Variants in DNAJC10 observed in about 807,000 individuals in gnomAD.
The protein encoded by DNAJC10 is endoplasmic reticulum disulfide reductase DNAJC10.
In DNAJC10, 101 loss-of-function variants were observed where a neutral mutation model predicts 115.0. That is an observed-to-expected ratio of 0.88 (90% confidence interval 0.75 to 1.04). The LOEUF (loss-of-function observed/expected upper bound fraction) is 1.04, where lower values mean the gene tolerates loss of function less well. Among genes scored for constraint, DNAJC10 ranks in the 50% least tolerant of loss-of-function variants. The pLI is 0.00. For missense variants in DNAJC10, 981 were observed against 928.8 expected (o/e 1.06, Z -0.73); for synonymous variants, 307 against 301.5 (o/e 1.02, Z -0.19).
intron 13 of DNAJC10, 99 bp from the exon 14 acceptor site, chr2:182,743,497 CTG>C (rs1203930881): frequency 3.5e-5 from 27 of 766,522 alleles, no homozygotes; most frequent in Non-Finnish European, 5.6e-5. Flanking sequence ...TGTTTAAAAA[CTG>C]TGTCATTAGG....
chr2:182,720,072 A>G lies in DNAJC10; in HGVS notation c.270A>G (p.Glu90=). Residue 90 remains glutamate, a synonymous_variant, in exon 4 of 24, where the codon GAA becomes GAG. Transcript: ENST00000264065. The part of the protein sequence containing the change: ...INRAYEVLKD[E]DLRKKYDKYG... The stretch of plus-strand genomic sequence containing the variant: ...GAGCATATGAAGTACTCAAAGATGA[A>G]GATCTACGGAAAAAGTATGACAAAT... 6.2e-7 allele frequency: 1 copy of G among 1,606,814 alleles called. No individual in the cohort carries two copies. Among genetic ancestry groups the G allele is most frequent in the Non-Finnish European group, 8.5e-7 (1 of 1,173,734 alleles).
chr2:182,734,870 T>C (rs955162561), intron 10 of DNAJC10, among the ~76,000 whole-genome samples: 4 of 151,818 alleles, frequency 2.6e-5, no homozygotes, highest in African/African-American at 4.8e-5. Context: ...ATAACTAATA[T>C]AGCTACACCA....
At chr2:182,731,319 A>G (rs1043777675) in intron 9 of DNAJC10, among the ~76,000 whole-genome samples, 7 of 152,066 alleles carry the variant, frequency 4.6e-5, no homozygotes, top group African/African-American at 1.7e-4. Flanking sequence ...CTATGTTTTT[A>G]TGTTCAGTGG....
rs1204081495 is a variant in DNAJC10 at position 182,782,540 on chromosome 2, C to T, written c.*5408C>T. ...TGACTATTTCACAATATTAATTCTT[C>T]CTATCCATGAGCATGGAATGCTTTT... On this transcript the variant is annotated 3_prime_UTR_variant, in exon 24 of 24. Transcript: ENST00000264065. 6.6e-6 allele frequency: 1 copy of T among 151,810 alleles called. No individual in the cohort carries two copies. The highest frequency in any genetic ancestry group is 1.5e-5 in the Non-Finnish European group (1 of 68,016). The allele number at this position is 151,810 out of a possible 1,614,324, so 9.4% of individuals were successfully genotyped here. A position where few individuals can be genotyped will look rare whatever the true frequency, so the allele number is the denominator to read the frequency against.
At chr2:182,772,647 T>G (rs1038525801) in intron 22 of DNAJC10, among the ~76,000 whole-genome samples, 2 of 140,184 alleles carry the variant, frequency 1.4e-5, no homozygotes, top group Admixed American at 7.0e-5. Flanking sequence ...CCATGGTGTT[T>G]TGTTTTGTTT....
At chr2:182,735,738 G>T (rs776675643) in intron 10 of DNAJC10, among the ~76,000 whole-genome samples, 1 of 151,982 alleles carries the variant, frequency 6.6e-6, no homozygotes, top group Non-Finnish European at 1.5e-5. Context: ...TGTACTTTTC[G>T]TACAGGATTT....
chr2:182,772,527 C>T (rs761799454), intron 22 of DNAJC10, among the ~76,000 whole-genome samples: 1 of 152,106 alleles, frequency 6.6e-6, no homozygotes, highest in African/African-American at 2.4e-5. Flanking sequence ...TATTTAGGAT[C>T]GTTAGCTCTT....
At chr2:182,735,193 T>G (rs955210493) in intron 10 of DNAJC10, among the ~76,000 whole-genome samples, 1 of 151,880 alleles carries the variant, frequency 6.6e-6, no homozygotes, top group African/African-American at 2.4e-5. Flanking sequence ...CCTGTCCTTT[T>G]ATTGTTCATT....
chr2:182,721,334 T>A (rs868854232), intron 4 of DNAJC10, among the ~76,000 whole-genome samples: 91 of 152,290 alleles, frequency 6.0e-4, no homozygotes, highest in African/African-American at 2.2e-3. Flanking sequence ...GCTTGCCATT[T>A]GCTTTTATAA....
chr2:182,759,890 T>A (rs937395883), intron 21 of DNAJC10, among the ~76,000 whole-genome samples: 3 of 151,990 alleles, frequency 2.0e-5, no homozygotes, highest in Non-Finnish European at 2.9e-5. Flanking sequence ...CCATCTGCAA[T>A]TGCTTAAAAA....
chr2:182,786,319 T>C lies in DNAJC10; in HGVS notation c.*9187T>C, dbSNP rs1332185062. 1 of 152,162 alleles carries C rather than the reference T, an allele frequency of 6.6e-6. No homozygotes were observed. Among genetic ancestry groups the C allele is most frequent in the African/African-American group, 2.4e-5 (1 of 41,432 alleles). The allele number at this position is 152,162 out of a possible 1,614,324, so 9.4% of individuals were successfully genotyped here. A position where few individuals can be genotyped will look rare whatever the true frequency, so the allele number is the denominator to read the frequency against. ...TTCGAAGAGAATGGGTAGAATTCAT[T>C]TTCTTTTCATTACTTCCTTTCAGCG... On this transcript the variant is annotated 3_prime_UTR_variant, in exon 24 of 24. Coordinates refer to ENST00000264065, the MANE Select transcript of DNAJC10 (RefSeq NM_018981.4).
chr2:182,773,925 ATTT>A (rs1161914273), intron 22 of DNAJC10, among the ~76,000 whole-genome samples: 1 of 152,064 alleles, frequency 6.6e-6, no homozygotes, highest in East Asian at 1.9e-4. Context: ...GATTTTTAGA[ATTT>A]TTAGCTTTTC....
At chr2:182,775,820 C>T (rs2105711499) in intron 23 of DNAJC10, among the ~76,000 whole-genome samples, 1 of 152,210 alleles carries the variant, frequency 6.6e-6, no homozygotes, top group South Asian at 2.1e-4. Flanking sequence ...CATGTTTGAA[C>T]TCTGGAAAAT....
Position 182,751,791 on chromosome 2 carries a change from T to A in DNAJC10, c.1434+6T>A. 1 of 1,610,754 alleles carries A rather than the reference T, an allele frequency of 6.2e-7. No individual in the cohort carries two copies. The highest frequency in any genetic ancestry group is 8.5e-7 in the Non-Finnish European group (1 of 1,179,368). On this transcript the variant is annotated splice_donor_region_variant and intron_variant, in intron 15 of 23. Transcript: ENST00000264065. ...TTGTTGATTTCTTTGCCCCCGTAAGTTATTTTTATCTGTCAGATTCTAACA... is the reference window on the plus strand; with the variant it reads ...TTGTTGATTTCTTTGCCCCCGTAAGATATTTTTATCTGTCAGATTCTAACA...
chr2:182,754,189 A>G (rs1237030838), intron 16 of DNAJC10, among the ~76,000 whole-genome samples: 1 of 152,232 alleles, frequency 6.6e-6, no homozygotes, highest in Non-Finnish European at 1.5e-5. Context: ...TTTAGCTATA[A>G]TTGCTTTGTT....
rs1694749105 is a variant in DNAJC10, at chr2:182,777,843, TGCACACAGTAAGTACACAAATTTGA to T, written c.*715_*739del. On this transcript the variant is annotated 3_prime_UTR_variant, in exon 24 of 24. Coordinates refer to ENST00000264065, the MANE Select transcript of DNAJC10 (RefSeq NM_018981.4). ...CCGAGAAACAGTGCAGCAGTATATG[TGCACACAGTAAGTACACAAATTTGA>T]GCAACAGTAAGTGCACAAATTCTGT... The T allele has an allele frequency of 6.6e-6, 1 of 152,168 alleles. No individual in the cohort carries two copies. The highest frequency in any genetic ancestry group is 1.5e-5 in the Non-Finnish European group (1 of 68,028). 9.4% of individuals were successfully genotyped at this position (152,168 alleles called of 1,614,324 possible). A position where few individuals can be genotyped will look rare whatever the true frequency, so the allele number is the denominator to read the frequency against.
intron 20 of DNAJC10, 127 bp downstream of exon 20, chr2:182,759,017 T>C (rs1694226425): frequency 9.5e-6 from 10 of 1,047,156 alleles, no homozygotes; most frequent in Non-Finnish European, 1.4e-5. Context: ...TAAAGTATTA[T>C]ATTAACCAAG....
At chr2:182,725,349 C>G (rs1168069835) in intron 5 of DNAJC10, among the ~76,000 whole-genome samples, 2 of 152,148 alleles carry the variant, frequency 1.3e-5, no homozygotes, top group Non-Finnish European at 2.9e-5. Flanking sequence ...CATTTTAAAT[C>G]AGAAGCTAGA....
At chr2:182,719,367 C>A (rs540304801) in intron 3 of DNAJC10, among the ~76,000 whole-genome samples, 1 of 151,328 alleles carries the variant, frequency 6.6e-6, no homozygotes, top group Admixed American at 6.6e-5. Context: ...AATTCCCCTG[C>A]CTCACCCTCC....
Sources: allele counts gnomAD v4.1 joint callset (sites outside exome capture counted in the v4.1 genomes callset), GRCh38; gene constraint gnomAD v4.1.1; transcripts MANE v1.5; gene names NCBI Gene and HGNC (gene_info 2026-07-23, HGNC 2026-07-21).